The following CHST8 variants were observed in gnomAD, a reference collection of about 807,000 sequenced individuals.
CHST8 encodes the protein GALNAC-4-ST1.
Under a neutral mutation model 15.0 loss-of-function variants are expected in CHST8, and 10 were observed. The ratio of observed to expected loss-of-function variants is 0.67; its 90% CI spans 0.41 to 1.13. CHST8 has a LOEUF of 1.13. Among genes scored for constraint, CHST8 ranks in the 50% most tolerant of loss-of-function variants. CHST8 has a pLI of 0.00. For synonymous variants in CHST8, 259 were observed against 256.6 expected, an observed-to-expected ratio of 1.01 and a Z score of -0.09; for missense variants, 634 against 608.2, an observed-to-expected ratio of 1.04 and a Z score of -0.45.
chr19:33,748,406 G>A (rs577555034), intron 3 of CHST8, among the ~76,000 whole-genome samples: 1 of 152,358 alleles, frequency 6.6e-6, no homozygotes, highest in South Asian at 2.1e-4. Context: ...CCATCACACA[G>A]GGCTACCCGC....
At chr19:33,717,971 T>C (rs1973693437) in intron 3 of CHST8, among the ~76,000 whole-genome samples, 1 of 152,174 alleles carries the variant, frequency 6.6e-6, no homozygotes, top group African/African-American at 2.4e-5. Context: ...GTTCATTCTA[T>C]ACCAAACGGA....
chr19:33,653,706 G>A (rs1972476446), intron 1 of CHST8, among the ~76,000 whole-genome samples: 1 of 152,184 alleles, frequency 6.6e-6, no homozygotes, highest in African/African-American at 2.4e-5. Context: ...CTTAAACTCA[G>A]TTCCTCAGTT....
intron 1 of CHST8, among the ~76,000 whole-genome samples, chr19:33,663,588 G>A (rs1263267947): frequency 2.0e-5 from 3 of 152,028 alleles, no homozygotes; most frequent in Admixed American, 1.3e-4. Flanking sequence ...AAAGCAGGAG[G>A]GGCCAGGTGC....
At chr19:33,753,454 CCCACCATCCTCCCACCACCCA>C in intron 3 of CHST8, among the ~76,000 whole-genome samples, 2 of 26,634 alleles carry the variant, frequency 7.5e-5, no homozygotes, top group African/African-American at 5.3e-4. Flanking sequence ...CCACCACCCA[CCCACCATCCTCCCACCACCCA>C]CCCACCATCC....
chr19:33,727,428 C>T (rs1055809779), intron 3 of CHST8, among the ~76,000 whole-genome samples: 1 of 152,148 alleles, frequency 6.6e-6, no homozygotes, highest in African/African-American at 2.4e-5. Context: ...AAGCCTGTGG[C>T]CACTTGCATT....
rs145705791 is a variant in CHST8, at chr19:33,648,973, G to A, written c.-163-18794G>A. Among the ~76,000 whole-genome samples the A allele has an allele frequency of 2.0e-3, 264 of 130,656 alleles. 4 individuals are homozygous for A. The East Asian group carries it at 0.034, about 17-fold the overall frequency. 85.7% of individuals were successfully genotyped at this position (130,656 alleles called of 152,430 possible). ...GGCTGGAGTGCAGTGGGGCGATCTCGGCTCACTGCAAGCTCCACCCCCCAG... is the reference window on the plus strand; with the variant it reads ...GGCTGGAGTGCAGTGGGGCGATCTCAGCTCACTGCAAGCTCCACCCCCCAG... On this transcript the variant is annotated intron_variant, in intron 1 of 4. Coordinates refer to ENST00000650847, the MANE Select transcript of CHST8 (RefSeq NM_001127895.2).
At chr19:33,657,245 A>G (rs1972521976) in intron 1 of CHST8, among the ~76,000 whole-genome samples, 1 of 151,334 alleles carries the variant, frequency 6.6e-6, no homozygotes, top group African/African-American at 2.4e-5. Context: ...ACACACATAT[A>G]TATATACACA....
At chr19:33,707,616 ATAT>A (rs1180813468) in intron 3 of CHST8, among the ~76,000 whole-genome samples, 3 of 152,188 alleles carry the variant, frequency 2.0e-5, no homozygotes, top group African/African-American at 7.2e-5. Context: ...TTGTCAAATA[ATAT>A]TATTCTATTA....
intron 1 of CHST8, among the ~76,000 whole-genome samples, chr19:33,633,269 C>T (rs1046000996): frequency 4.6e-5 from 7 of 152,350 alleles, no homozygotes; most frequent in Middle Eastern, 6.8e-3. Flanking sequence ...AGGATTCCAT[C>T]ATGTGGGTAG....
At chr19:33,645,703 G>T (rs1193827086) in intron 1 of CHST8, among the ~76,000 whole-genome samples, 1 of 152,184 alleles carries the variant, frequency 6.6e-6, no homozygotes, top group Admixed American at 6.6e-5. Context: ...TGAATATTTG[G>T]TTGGATATAC....
chr19:33,645,380 C>T (rs1972339711), intron 1 of CHST8, among the ~76,000 whole-genome samples: 1 of 152,160 alleles, frequency 6.6e-6, no homozygotes, highest in African/African-American at 2.4e-5. Context: ...AACAGGTTCC[C>T]TGTTGCTGCC....
chr19:33,711,014 G>A (rs568275960), intron 3 of CHST8, among the ~76,000 whole-genome samples: 14 of 152,044 alleles, frequency 9.2e-5, no homozygotes, highest in African/African-American at 3.4e-4. Flanking sequence ...GGAACTACAA[G>A]CATATATGAC....
At chr19:33,634,634 T>C (rs1038830618) in intron 1 of CHST8, among the ~76,000 whole-genome samples, 15 of 142,682 alleles carry the variant, frequency 1.1e-4, no homozygotes, top group African/African-American at 4.0e-4. Context: ...CCTTGACCCA[T>C]TGGTCCTTCT....
In CHST8 at chr19:33,757,649, A is replaced by G. The variant is rs117984332; in HGVS notation, c.131-13764A>G. The stretch of plus-strand genomic sequence containing the variant: ...AGCAGAAAGGGGCTCTTGGACAGGT[A>G]TCCAGGGGAGGTGATGTCCCCACAG... On this transcript the variant is annotated intron_variant, in intron 3 of 4. Transcript: ENST00000650847. Among the ~76,000 whole-genome samples, 885 of 147,194 alleles carry G rather than the reference A, an allele frequency of 6.0e-3. 13 individuals carry two copies. The highest frequency in any genetic ancestry group is 9.2e-3 in the East Asian group (45 of 4,884).
chr19:33,628,506 C>T (rs751635292), intron 1 of CHST8, among the ~76,000 whole-genome samples: 25 of 152,166 alleles, frequency 1.6e-4, no homozygotes, highest in Non-Finnish European at 2.9e-4. Context: ...CTCCTGGAGC[C>T]GGGGTGGTTG....
At chr19:33,735,782 G>A (rs939801102) in intron 3 of CHST8, among the ~76,000 whole-genome samples, 1 of 152,212 alleles carries the variant, frequency 6.6e-6, no homozygotes, top group Non-Finnish European at 1.5e-5. Context: ...AGCCGAGATC[G>A]CGCCACTGCC....
intron 1 of CHST8, among the ~76,000 whole-genome samples, chr19:33,653,820 A>G (rs1025922224): frequency 6.6e-6 from 1 of 152,226 alleles, no homozygotes; most frequent in Non-Finnish European, 1.5e-5. Flanking sequence ...ATACTGGCAC[A>G]TGGTCAGCTC....
At chr19:33,665,077 T>C (rs1373616607) in intron 1 of CHST8, among the ~76,000 whole-genome samples, 1 of 152,230 alleles carries the variant, frequency 6.6e-6, no homozygotes, top group Non-Finnish European at 1.5e-5. Flanking sequence ...TAGATATCTT[T>C]GTAATACGCT....
intron 1 of CHST8, among the ~76,000 whole-genome samples, chr19:33,648,884 G>A (rs375568037): frequency 7.1e-6 from 1 of 140,540 alleles, no homozygotes; most frequent in East Asian, 2.1e-4. Flanking sequence ...TTATTCAGGC[G>A]TAAAAAGGAA....
Sources: allele counts gnomAD v4.1 joint callset (sites outside exome capture counted in the v4.1 genomes callset), GRCh38; gene constraint gnomAD v4.1.1; transcripts MANE v1.5; gene names NCBI Gene and HGNC (gene_info 2026-07-23, HGNC 2026-07-21).